The following SUSD1 variants were observed in gnomAD, a reference collection of about 807,000 sequenced individuals.
SUSD1 encodes the protein sushi domain-containing protein 1.
A neutral mutation model predicts 86.9 loss-of-function variants in SUSD1; 65 were observed. The ratio of observed to expected loss-of-function variants is 0.75; its 90% CI spans 0.61 to 0.92. The LOEUF (loss-of-function observed/expected upper bound fraction) is 0.92, where lower values mean the gene tolerates loss of function less well. Ranked by LOEUF, SUSD1 falls within the 40% of genes least tolerant of loss-of-function variation. The pLI is 0.00. For synonymous variants in SUSD1, 346 were observed against 350.0 expected (o/e 0.99, Z 0.13); for missense variants, 850 against 929.7 (o/e 0.91, Z 1.11).
intron 6 of SUSD1, among the ~76,000 whole-genome samples, chr9:112,119,370 T>A (rs1376437931): frequency 6.6e-6 from 1 of 152,128 alleles, no homozygotes; most frequent in African/African-American, 2.4e-5. Flanking sequence ...ATCTGAAATG[T>A]GTGTGGCTGC....
At chr9:112,171,967 G>A (rs564314629) in intron 1 of SUSD1, among the ~76,000 whole-genome samples, 18 of 152,116 alleles carry the variant, frequency 1.2e-4, no homozygotes, top group African/African-American at 4.3e-4. Flanking sequence ...AGGCTGAGGC[G>A]GGCAGATCAC....
chr9:112,042,721 T>C (rs1317924472), intron 15 of SUSD1, among the ~76,000 whole-genome samples: 2 of 152,176 alleles, frequency 1.3e-5, no homozygotes, highest in Non-Finnish European at 2.9e-5. Flanking sequence ...CTCACAAATA[T>C]TCACTCATTT....
At chr9:112,124,161 T>C (rs578177587) in intron 6 of SUSD1, 96 bp downstream of exon 6, 18 of 1,269,922 alleles carry the variant, frequency 1.4e-5, no homozygotes, top group Admixed American at 1.1e-4. Flanking sequence ...CTGGGTACAG[T>C]ATGTAGAGTG....
At chr9:112,057,301 T>G (rs1443406032) in intron 14 of SUSD1, among the ~76,000 whole-genome samples, 1 of 152,186 alleles carries the variant, frequency 6.6e-6, no homozygotes, top group Non-Finnish European at 1.5e-5. Context: ...TCTACCATAT[T>G]TCACTATAGC....
At chr9:112,067,678 C>T (rs1325712239) in intron 12 of SUSD1, among the ~76,000 whole-genome samples, 1 of 152,164 alleles carries the variant, frequency 6.6e-6, no homozygotes, top group Non-Finnish European at 1.5e-5. Flanking sequence ...TTAAGAATCC[C>T]CTTTAGACCC....
At chr9:112,064,046 T>G (rs960393657) in intron 12 of SUSD1, among the ~76,000 whole-genome samples, 123 of 78,732 alleles carry the variant, frequency 1.6e-3, no homozygotes, top group Non-Finnish European at 2.6e-3. Context: ...TTTCTTTTTT[T>G]GGGGGGGGGG....
At chr9:112,143,816 C>T (rs1401214309) in intron 3 of SUSD1, among the ~76,000 whole-genome samples, 193 bp from the exon 4 acceptor site, 1 of 152,152 alleles carries the variant, frequency 6.6e-6, no homozygotes, top group Non-Finnish European at 1.5e-5. Context: ...ATATCATAGG[C>T]ACTGAAAACA....
chr9:112,076,923 C>A (rs146599814), intron 12 of SUSD1, among the ~76,000 whole-genome samples: 1 of 152,080 alleles, frequency 6.6e-6, no homozygotes, highest in East Asian at 1.9e-4. Flanking sequence ...AAACGAAGAG[C>A]CTTTCAGTAA....
intron 12 of SUSD1, among the ~76,000 whole-genome samples, chr9:112,075,018 A>G (rs566263416): frequency 2.0e-5 from 3 of 152,298 alleles, no homozygotes; most frequent in South Asian, 4.1e-4. Flanking sequence ...TGTCTCATCA[A>G]GATGAAACCC....
intron 1 of SUSD1, among the ~76,000 whole-genome samples, chr9:112,165,967 AAG>A (rs1830083960): frequency 6.6e-6 from 1 of 151,360 alleles, no homozygotes; most frequent in Non-Finnish European, 1.5e-5. Flanking sequence ...GAAAGAAAGA[AAG>A]AAAGAAAGAA....
chr9:112,050,418 A>C (rs1828139509), intron 15 of SUSD1, among the ~76,000 whole-genome samples: 1 of 152,190 alleles, frequency 6.6e-6, no homozygotes, highest in South Asian at 2.1e-4. Flanking sequence ...AGATCAGGAG[A>C]GAAGCAGACA....
chr9:112,125,723 G>A (rs2131693118), intron 5 of SUSD1, among the ~76,000 whole-genome samples: 1 of 152,304 alleles, frequency 6.6e-6, no homozygotes, highest in South Asian at 2.1e-4. Flanking sequence ...TCAAACTAGA[G>A]AAAATCATAT....
At chr9:112,125,179 G>T (rs1445963712) in intron 5 of SUSD1, among the ~76,000 whole-genome samples, 1 of 152,104 alleles carries the variant, frequency 6.6e-6, no homozygotes, top group Non-Finnish European at 1.5e-5. Flanking sequence ...AATATCGTAA[G>T]AATAAGTGTG....
In SUSD1 at chr9:112,142,322, T is replaced by C. The variant is rs779210880; in HGVS notation, c.704A>G (p.Gln235Arg). 1 of 1,570,790 alleles carries C rather than the reference T, an allele frequency of 6.4e-7. No homozygotes were observed. The highest frequency in any genetic ancestry group is 1.9e-5 in the Admixed American group (1 of 51,652). ...GTWESPKLHCQEINCGNPPEM... is the reference protein window; with the variant it reads ...GTWESPKLHCREINCGNPPEM... Reference sequence around the variant, plus strand: ...ACCTGTATTTTTTGAAAACTCACCTTGGCAATGTAATTTTGGGGACTCCCA... The same window carrying C: ...ACCTGTATTTTTTGAAAACTCACCTCGGCAATGTAATTTTGGGGACTCCCA... Residue 235 changes from glutamine to arginine, a missense_variant and splice_region_variant, in exon 5 of 17, where the codon CAA (glutamine) becomes CGA (arginine). Coordinates refer to ENST00000374270, the MANE Select transcript of SUSD1 (RefSeq NM_022486.5).
chr9:112,165,680 G>C (rs563506904), intron 1 of SUSD1, among the ~76,000 whole-genome samples: 175 of 151,716 alleles, frequency 1.2e-3, no homozygotes, highest in Non-Finnish European at 2.1e-3. Context: ...AAAGTCCTGG[G>C]ATTACAAGTG....
At chr9:112,085,133 T>C (rs1469328405) in intron 10 of SUSD1, among the ~76,000 whole-genome samples, 1 of 152,208 alleles carries the variant, frequency 6.6e-6, no homozygotes, top group Non-Finnish European at 1.5e-5. Flanking sequence ...GCAGCTATGA[T>C]TGTTCAAATG....
chr9:112,128,267 T>A (rs567236973), intron 5 of SUSD1, among the ~76,000 whole-genome samples: 1 of 151,820 alleles, frequency 6.6e-6, no homozygotes, highest in Non-Finnish European at 1.5e-5. Context: ...TAATTTTTTG[T>A]AGTTTTAGTA....
chr9:112,112,809 T>C lies in SUSD1; in HGVS notation c.946A>G (p.Ile316Val), dbSNP rs147100475. The C allele has an allele frequency of 6.6e-5, 107 of 1,613,612 alleles. No individual in the cohort carries two copies. The African/African-American group carries it at 1.2e-3, about 18-fold the overall frequency. Residue 316 changes from isoleucine (I) to valine (V), a missense_variant, in exon 7 of 17, where the codon ATA (isoleucine) becomes GTA (valine). Transcript: ENST00000374270. ...LFNDTCVRWQ[I>V]NSRRINPKIS... ...TTGGGGTTTATTCTTCTTGAGTTTA[T>C]TTGCCATCTCACACAGGTATCATTA...
intron 8 of SUSD1, among the ~76,000 whole-genome samples, chr9:112,104,141 GAGTA>G (rs1830738304): frequency 4.6e-5 from 7 of 151,766 alleles, no homozygotes; most frequent in Admixed American, 1.3e-4. Flanking sequence ...TCAGCCTCCT[GAGTA>G]GCTAGGACTA....
Sources: allele counts gnomAD v4.1 joint callset (sites outside exome capture counted in the v4.1 genomes callset), GRCh38; gene constraint gnomAD v4.1.1; transcripts MANE v1.5; gene names NCBI Gene and HGNC (gene_info 2026-07-23, HGNC 2026-07-21).